Variants in EPHB1 observed in about 807,000 individuals in gnomAD.
The protein encoded by EPHB1 is EPH receptor B1.
A neutral mutation model predicts 94.4 loss-of-function variants in EPHB1; 30 were observed. The observed-to-expected ratio is 0.32, with a 90% CI of 0.24 to 0.43. EPHB1 has a LOEUF of 0.43. Among genes scored for constraint, EPHB1 ranks in the 20% least tolerant of loss-of-function variants. The pLI is 1.00. For synonymous variants in EPHB1, 522 were observed against 489.1 expected (o/e 1.07, Z -0.89); for missense variants, 1,055 against 1,308.3 (o/e 0.81, Z 2.99).
chr3:134,907,613 CTG>C (rs1230933562), intron 1 of EPHB1, among the ~76,000 whole-genome samples: 5 of 152,144 alleles, frequency 3.3e-5, no homozygotes, highest in Non-Finnish European at 7.3e-5. Flanking sequence ...ATTAGATTAA[CTG>C]CCTCCCGTGA....
At chr3:135,126,594 C>A (rs935049845) in intron 4 of EPHB1, among the ~76,000 whole-genome samples, 2 of 152,098 alleles carry the variant, frequency 1.3e-5, no homozygotes, top group African/African-American at 4.8e-5. Flanking sequence ...AGGTTCTGCC[C>A]CTTGGTAGAA....
intron 1 of EPHB1, among the ~76,000 whole-genome samples, chr3:134,858,701 G>A (rs930790753): frequency 1.3e-5 from 2 of 152,208 alleles, no homozygotes; most frequent in Admixed American, 6.5e-5. Flanking sequence ...CTTGGAGCTG[G>A]TCGAATCCAC....
chr3:135,192,830 G>A lies in EPHB1; in HGVS notation c.2130+7G>A. 1.2e-6 allele frequency: 2 copies of A among 1,612,084 alleles called. No homozygotes were observed. The highest frequency in any genetic ancestry group is 1.7e-6 in the Non-Finnish European group (2 of 1,178,336). ...ATTGGATTCTTTCCTCAGGGTAAGA[G>A]CAACTCAGGGGTTTGATGATGCACT... On this transcript the variant is annotated splice_region_variant and intron_variant, in intron 11 of 15. Transcript: ENST00000398015.
intron 3 of EPHB1, among the ~76,000 whole-genome samples, chr3:135,072,131 T>C (rs1320289044): frequency 6.6e-6 from 1 of 152,138 alleles, no homozygotes; most frequent in East Asian, 1.9e-4. Flanking sequence ...CCCAGCTCTT[T>C]GGGAGACCCA....
chr3:134,853,978 A>G (rs1444053713), intron 1 of EPHB1, among the ~76,000 whole-genome samples: 2 of 152,248 alleles, frequency 1.3e-5, no homozygotes, highest in Admixed American at 1.3e-4. Flanking sequence ...CAACCACCCA[A>G]TACCAAAAGT....
intron 12 of EPHB1, among the ~76,000 whole-genome samples, chr3:135,203,064 T>C (rs1158143609): frequency 6.6e-6 from 1 of 152,232 alleles, no homozygotes; most frequent in Non-Finnish European, 1.5e-5. Flanking sequence ...TCGTGTCCTT[T>C]GCAGGGACAT....
At chr3:135,254,863 G>C (rs1391999703) in intron 15 of EPHB1, among the ~76,000 whole-genome samples, 1 of 152,238 alleles carries the variant, frequency 6.6e-6, no homozygotes, top group African/African-American at 2.4e-5. Context: ...TTTTTGGTTG[G>C]TAAGCTATTG....
chr3:134,800,295 G>C (rs1200980763), intron 1 of EPHB1, among the ~76,000 whole-genome samples: 1 of 152,152 alleles, frequency 6.6e-6, no homozygotes, highest in Non-Finnish European at 1.5e-5. Context: ...AAGAAAGTAA[G>C]ATGCTATTAA....
intron 9 of EPHB1, among the ~76,000 whole-genome samples, chr3:135,170,069 T>C (rs1049203835): frequency 6.6e-5 from 10 of 152,184 alleles, no homozygotes; most frequent in African/African-American, 2.4e-4. Flanking sequence ...ATTGGAGCTC[T>C]GAGATCTTCC....
chr3:134,899,887 A>G lies in EPHB1; in HGVS notation c.59-25929A>G, dbSNP rs189639415. On this transcript the variant is annotated intron_variant, in intron 1 of 15. Coordinates refer to ENST00000398015, the MANE Select transcript of EPHB1 (RefSeq NM_004441.5). ...TTCCAGGTGGGGGCACAGCAAGGGT[A>G]TAACAGAGAGTCATGACTATACCTG... Among the ~76,000 whole-genome samples the G allele has an allele frequency of 2.2e-3, 334 of 152,324 alleles. 2 individuals are homozygous for G. Among genetic ancestry groups the G allele is most frequent in the Admixed American group, 4.8e-3 (73 of 15,302 alleles).
chr3:135,058,934 T>G (rs900109260), intron 3 of EPHB1, among the ~76,000 whole-genome samples: 10 of 152,224 alleles, frequency 6.6e-5, no homozygotes, highest in African/African-American at 2.4e-4. Context: ...ATAGGAAGAT[T>G]TTATTCTCAG....
chr3:135,000,475 G>A (rs1043430492), intron 3 of EPHB1, among the ~76,000 whole-genome samples: 1 of 152,204 alleles, frequency 6.6e-6, no homozygotes, highest in Non-Finnish European at 1.5e-5. Context: ...CCTATCCCAA[G>A]CAAGTCATTT....
chr3:135,201,456 C>A lies in EPHB1; in HGVS notation c.2131-18C>A. 6.2e-7 allele frequency: 1 copy of A among 1,613,598 alleles called. No homozygotes were observed. The highest frequency in any genetic ancestry group is 8.5e-7 in the Non-Finnish European group (1 of 1,179,700). Reference sequence around the variant, plus strand: ...TGAAGCCCGTCTTGATCCCAATGCCCTCTATGTCTTATTACAGCAAAATGA... The same window carrying A: ...TGAAGCCCGTCTTGATCCCAATGCCATCTATGTCTTATTACAGCAAAATGA... On this transcript the variant is annotated intron_variant, in intron 11 of 15. Transcript: ENST00000398015.
chr3:135,061,021 C>G (rs1006245689), intron 3 of EPHB1, among the ~76,000 whole-genome samples: 2 of 151,834 alleles, frequency 1.3e-5, no homozygotes, highest in Non-Finnish European at 2.9e-5. Flanking sequence ...TTTTTAGATC[C>G]CCAAATAAAT....
chr3:134,919,304 T>A (rs1307939423), intron 1 of EPHB1, among the ~76,000 whole-genome samples: 4 of 152,104 alleles, frequency 2.6e-5, no homozygotes, highest in African/African-American at 9.7e-5. Flanking sequence ...GGGAGACACA[T>A]GGGAGATGGG....
At chr3:135,066,630 TG>T (rs1339428574) in intron 3 of EPHB1, among the ~76,000 whole-genome samples, 2 of 152,216 alleles carry the variant, frequency 1.3e-5, no homozygotes, top group Non-Finnish European at 2.9e-5. Flanking sequence ...TTCCTTGCAC[TG>T]GGCCTCGCCT....
intron 1 of EPHB1, among the ~76,000 whole-genome samples, chr3:134,882,549 AT>A (rs1219510150): frequency 6.6e-6 from 1 of 152,244 alleles, no homozygotes; most frequent in Non-Finnish European, 1.5e-5. Flanking sequence ...CAGCGTCCAG[AT>A]GGCCATAACA....
chr3:134,981,371 C>G (rs184024124), intron 3 of EPHB1, among the ~76,000 whole-genome samples: 2 of 152,338 alleles, frequency 1.3e-5, no homozygotes, highest in Admixed American at 1.3e-4. Context: ...AGGCAGGTAT[C>G]TGTTCCATGT....
At chr3:134,950,593 C>T (rs1559768199) in intron 2 of EPHB1, among the ~76,000 whole-genome samples, 1 of 152,192 alleles carries the variant, frequency 6.6e-6, no homozygotes. Flanking sequence ...GCCAGCATGT[C>T]ACATGGTGAG....
Sources: allele counts gnomAD v4.1 joint callset (sites outside exome capture counted in the v4.1 genomes callset), GRCh38; gene constraint gnomAD v4.1.1; transcripts MANE v1.5; gene names NCBI Gene and HGNC (gene_info 2026-07-23, HGNC 2026-07-21).